The following DAB1 variants were observed in gnomAD, a reference collection of about 807,000 sequenced individuals.
DAB1 encodes disabled homolog 1.
A neutral mutation model predicts 64.6 loss-of-function variants in DAB1; 15 were observed. The observed-to-expected ratio is 0.23, with a 90% CI of 0.16 to 0.36. The LOEUF is 0.36. Ranked by LOEUF, DAB1 falls within the 10% of genes least tolerant of loss-of-function variation. DAB1 has a pLI of 1.00. For missense variants in DAB1, 596 were observed against 706.7 expected (o/e 0.84, Z 1.78); for synonymous variants, 235 against 251.9 (o/e 0.93, Z 0.64).
At chr1:57,845,006 T>A (rs1653217098) in intron 1 of DAB1, among the ~76,000 whole-genome samples, 1 of 152,130 alleles carries the variant, frequency 6.6e-6, no homozygotes, top group Non-Finnish European at 1.5e-5. Flanking sequence ...GTACTTTCAT[T>A]AAAGTAACTT....
intron 5 of DAB1, among the ~76,000 whole-genome samples, chr1:57,930,755 T>G (rs1348405015): frequency 6.6e-6 from 1 of 152,200 alleles, no homozygotes; most frequent in Non-Finnish European, 1.5e-5. Context: ...CCAGAAGATT[T>G]TTTGTCAATT....
At chr1:57,647,812 G>T (rs1427525544) in intron 7 of DAB1, among the ~76,000 whole-genome samples, 3 of 152,272 alleles carry the variant, frequency 2.0e-5, no homozygotes, top group African/African-American at 7.2e-5. Context: ...AAGGACTATG[G>T]TGACTTGGAT....
intron 7 of DAB1, among the ~76,000 whole-genome samples, chr1:57,485,471 A>G (rs1356207292): frequency 6.6e-6 from 1 of 152,192 alleles, no homozygotes; most frequent in Non-Finnish European, 1.5e-5. Context: ...AGTGCTTGGC[A>G]TCAGGGAATA....
At chr1:57,747,943 G>A (rs1421192107) in intron 6 of DAB1, among the ~76,000 whole-genome samples, 1 of 151,864 alleles carries the variant, frequency 6.6e-6, no homozygotes, top group African/African-American at 2.4e-5. Context: ...TTAAAGACTT[G>A]GAAAGTCTGC....
intron 7 of DAB1, among the ~76,000 whole-genome samples, chr1:57,432,357 G>C (rs1685549015): frequency 1.3e-5 from 2 of 151,116 alleles, no homozygotes; most frequent in African/African-American, 4.9e-5. Flanking sequence ...ATTTAATTTT[G>C]GTAGACCTAA....
intron 7 of DAB1, among the ~76,000 whole-genome samples, chr1:57,566,708 C>T (rs1013137475): frequency 3.9e-5 from 6 of 152,080 alleles, no homozygotes; most frequent in Admixed American, 2.0e-4. Flanking sequence ...CACATACACC[C>T]TCCCAAGACT....
At chr1:57,238,533 T>C (rs17485175) in intron 2 of DAB1, among the ~76,000 whole-genome samples, 20,304 of 152,212 alleles carry the variant, frequency 0.13, 1,782 homozygotes, top group Middle Eastern at 0.21. Context: ...CAGTAAGGTC[T>C]TGTGATGAAG....
chr1:57,516,042 T>G (rs994290491), intron 7 of DAB1, among the ~76,000 whole-genome samples: 10 of 152,344 alleles, frequency 6.6e-5, no homozygotes, highest in African/African-American at 2.2e-4. Context: ...ATAGACTCTT[T>G]CTTCCTCCAA....
intron 2 of DAB1, among the ~76,000 whole-genome samples, chr1:57,269,362 A>T (rs1232743546): frequency 6.6e-6 from 1 of 151,998 alleles, no homozygotes; most frequent in East Asian, 1.9e-4. Flanking sequence ...AGAAGAATTC[A>T]CCCCAATCAG....
At chr1:57,799,730 T>C (rs1452806742) in intron 6 of DAB1, among the ~76,000 whole-genome samples, 2 of 152,172 alleles carry the variant, frequency 1.3e-5, no homozygotes, top group African/African-American at 2.4e-5. Context: ...TTTACATTTT[T>C]GAGTGGTTAA....
intron 5 of DAB1, among the ~76,000 whole-genome samples, chr1:57,997,612 C>T (rs1310895614): frequency 6.6e-6 from 1 of 152,068 alleles, no homozygotes; most frequent in African/African-American, 2.4e-5. Flanking sequence ...GGGGAGGATA[C>T]CCCTAGTGAT....
chr1:57,177,914 A>G (rs1212614800), intron 2 of DAB1, among the ~76,000 whole-genome samples: 1 of 152,102 alleles, frequency 6.6e-6, no homozygotes, highest in East Asian at 1.9e-4. Flanking sequence ...ATGTCTCTTG[A>G]CTATTCAGTT....
chr1:57,782,045 A>G (rs902379924), intron 6 of DAB1, among the ~76,000 whole-genome samples: 2 of 152,164 alleles, frequency 1.3e-5, no homozygotes, highest in Non-Finnish European at 2.9e-5. Context: ...AATTAAGCCT[A>G]TTTTACAGAT....
intron 7 of DAB1, among the ~76,000 whole-genome samples, chr1:57,451,762 G>GT (rs1230024885): frequency 7.9e-5 from 12 of 152,214 alleles, no homozygotes; most frequent in African/African-American, 2.9e-4. Context: ...TAAAAATCAG[G>GT]TTTTTTCTCT....
chr1:57,604,420 AAG>A (rs1553199211), intron 7 of DAB1, among the ~76,000 whole-genome samples: 2 of 152,102 alleles, frequency 1.3e-5, no homozygotes, highest in East Asian at 3.9e-4. Context: ...AAAAAAAAAA[AAG>A]AGGAAGCCCA....
rs111444640 is a variant in DAB1 at position 57,669,039 on chromosome 1, A to G, written n.552-19374T>C. ...TATGATTGCATTGCTTCTGTTAATT[A>G]CCTAGGTGACTGAATCTTTAATTCC... On this transcript the variant is annotated intron_variant and non_coding_transcript_variant, in intron 6 of 20. Coordinates refer to the DAB1 transcript ENST00000485760. Among the ~76,000 whole-genome samples the G allele has an allele frequency of 4.5e-3, 682 of 152,236 alleles. 3 individuals carry two copies. The highest frequency in any genetic ancestry group is 7.6e-3 in the Non-Finnish European group (515 of 68,010).
chr1:57,602,666 G>A (rs1645588320), intron 7 of DAB1, among the ~76,000 whole-genome samples: 1 of 152,180 alleles, frequency 6.6e-6, no homozygotes, highest in Non-Finnish European at 1.5e-5. Flanking sequence ...ATAGAAAAAT[G>A]AAAGCTAGGA....
At chr1:58,394,400 A>C (rs1644501631) in intron 3 of DAB1, among the ~76,000 whole-genome samples, 1 of 152,218 alleles carries the variant, frequency 6.6e-6, no homozygotes, top group Non-Finnish European at 1.5e-5. Context: ...TAAAAATAAA[A>C]CAAAACCTGT....
intron 4 of DAB1, among the ~76,000 whole-genome samples, chr1:58,327,632 A>G (rs1383034037): frequency 1.3e-5 from 2 of 152,150 alleles, no homozygotes; most frequent in African/African-American, 4.8e-5. Context: ...TCACAGGGTA[A>G]GCAGAGAGGC....
Sources: allele counts gnomAD v4.1 joint callset (sites outside exome capture counted in the v4.1 genomes callset), GRCh38; gene constraint gnomAD v4.1.1; transcripts MANE v1.5; gene names NCBI Gene and HGNC (gene_info 2026-07-23, HGNC 2026-07-21).